SPON1: variants seen among roughly 807,000 people sequenced by gnomAD.
The protein encoded by SPON1 is spondin-1.
A neutral mutation model predicts 111.7 loss-of-function variants in SPON1; 52 were observed. The observed-to-expected ratio is 0.47, with a 90% CI of 0.37 to 0.59. The LOEUF is 0.59. SPON1 is among the 20% of genes least tolerant of loss of function. The pLI is 0.00. For missense variants in SPON1, 957 were observed against 1,068.5 expected (o/e 0.90, Z 1.46); for synonymous variants, 410 against 395.8 (o/e 1.04, Z -0.43).
intron 7 of SPON1, among the ~76,000 whole-genome samples, chr11:14,249,847 T>G (rs2133921699): frequency 6.6e-6 from 1 of 152,350 alleles, no homozygotes; most frequent in East Asian, 1.9e-4. Context: ...GGTAGGATGA[T>G]GATGCTCCCA....
Position 14,266,661 on chromosome 11 carries a change from C to G in SPON1, c.*974C>G, listed in dbSNP as rs1351450306. Reference sequence around the variant, plus strand: ...TTTGCTAAGTCTGCCCAAAGCCCCCCCAATGCATTCCTTCAACAAAATACA... The same window carrying G: ...TTTGCTAAGTCTGCCCAAAGCCCCCGCAATGCATTCCTTCAACAAAATACA... On this transcript the variant is annotated 3_prime_UTR_variant, in exon 16 of 16. Coordinates refer to ENST00000576479, the MANE Select transcript of SPON1 (RefSeq NM_006108.4). The G allele has an allele frequency of 2.6e-5, 4 of 152,172 alleles. No individual in the cohort carries two copies. Among genetic ancestry groups the G allele is most frequent in the East Asian group, 1.9e-4 (1 of 5,204 alleles). 9.4% of individuals were successfully genotyped at this position (152,172 alleles called of 1,614,324 possible). A position where few individuals can be genotyped will look rare whatever the true frequency, so the allele number is the denominator to read the frequency against.
chr11:14,081,414 T>G (rs1201030754), intron 5 of SPON1, among the ~76,000 whole-genome samples: 1 of 152,178 alleles, frequency 6.6e-6, no homozygotes, highest in Non-Finnish European at 1.5e-5. Context: ...CTACATATGT[T>G]ATAGTGTTTA....
At chr11:14,190,703 T>C (rs548266313) in intron 6 of SPON1, among the ~76,000 whole-genome samples, 48 of 150,606 alleles carry the variant, frequency 3.2e-4, no homozygotes, top group Middle Eastern at 3.4e-3. Flanking sequence ...TGCAGTGGCA[T>C]GATCTCGGCT....
chr11:14,259,491 G>A lies in SPON1; in HGVS notation c.1663+41G>A, dbSNP rs1554941674. ...GGGCGGGCAGGCGGGCAAGTAGGTCGGGGAGGCAGCAGGTGCGACTCCAAT... is the reference window on the plus strand; with the variant it reads ...GGGCGGGCAGGCGGGCAAGTAGGTCAGGGAGGCAGCAGGTGCGACTCCAAT... On this transcript the variant is annotated intron_variant, in intron 12 of 15. Transcript: ENST00000576479. The surrounding 1 kb of genome is among the most constrained non-coding windows in gnomAD (Gnocchi z 5.0). 2.5e-6 allele frequency: 4 copies of A among 1,579,532 alleles called. No individual in the cohort carries two copies. Among genetic ancestry groups the A allele is most frequent in the South Asian group, 2.3e-5 (2 of 86,378 alleles).
In SPON1 at chr11:14,135,354, T is replaced by C; in HGVS notation, c.677-66T>C. ...GATGTCCAATTACGCATCCTCCCCA[T>C]CATTTAAGGGACTCGTGTTTCAGCC... On this transcript the variant is annotated intron_variant, in intron 5 of 15. Transcript: ENST00000576479. This position sits in a 1 kb window ranked among gnomAD's most constrained non-coding sequence, Gnocchi z 4.4. 4 of 1,543,942 alleles carry C rather than the reference T, an allele frequency of 2.6e-6. No individual in the cohort carries two copies. The highest frequency in any genetic ancestry group is 3.5e-6 in the Non-Finnish European group (4 of 1,133,158).
At chr11:14,043,269 T>G (rs965404198) in intron 3 of SPON1, among the ~76,000 whole-genome samples, 16 of 152,234 alleles carry the variant, frequency 1.1e-4, no homozygotes, top group African/African-American at 3.9e-4. Context: ...AGAAGACTGA[T>G]TGGAGGTTCC....
At chr11:14,057,849 C>CAAAAAAAAAA (rs1848758481) in intron 3 of SPON1, among the ~76,000 whole-genome samples, 2 of 122,158 alleles carry the variant, frequency 1.6e-5, no homozygotes, top group Non-Finnish European at 3.6e-5. Context: ...AAAAACAAAA[C>CAAAAAAAAAA]AAAAACTTAA....
At chr11:13,974,069 C>T (rs1479496209) in intron 1 of SPON1, among the ~76,000 whole-genome samples, 1 of 152,182 alleles carries the variant, frequency 6.6e-6, no homozygotes, top group Non-Finnish European at 1.5e-5. Flanking sequence ...CCATCACCAG[C>T]AAATCTTTTC....
intron 6 of SPON1, among the ~76,000 whole-genome samples, chr11:14,144,683 G>C (rs1300562018): frequency 6.9e-6 from 1 of 144,356 alleles, no homozygotes; most frequent in African/African-American, 2.5e-5. Context: ...AAAATAAAAA[G>C]TAAAAACCCA....
At chr11:14,063,994 T>A (rs1848811702) in intron 3 of SPON1, among the ~76,000 whole-genome samples, 1 of 152,222 alleles carries the variant, frequency 6.6e-6, no homozygotes, top group Non-Finnish European at 1.5e-5. Flanking sequence ...ACAGAGGAGT[T>A]TGTGCTTCTT....
At chr11:13,984,920 G>C (rs1382727170) in intron 2 of SPON1, among the ~76,000 whole-genome samples, 1 of 152,144 alleles carries the variant, frequency 6.6e-6, no homozygotes, top group Admixed American at 6.5e-5. Context: ...TCCTATCTCT[G>C]TATGCATCCT....
At chr11:13,969,321 G>A (rs1848044685) in intron 1 of SPON1, among the ~76,000 whole-genome samples, 1 of 152,102 alleles carries the variant, frequency 6.6e-6, no homozygotes, top group African/African-American at 2.4e-5. Flanking sequence ...GAGAAGTTGA[G>A]GCTGCAGTGA....
rs187570358 is a variant in SPON1 at position 14,002,223 on chromosome 11, A to G, written c.345+19270A>G. ...CTGAGAAAATTAAATAATTTATAAC[A>G]ATGGTTTTCAACTGGTAATGAACAT... On this transcript the variant is annotated intron_variant, in intron 2 of 15. Coordinates refer to ENST00000576479, the MANE Select transcript of SPON1 (RefSeq NM_006108.4). 2.0e-5 allele frequency among the ~76,000 whole-genome samples: 3 copies of G among 152,312 alleles called. No homozygotes were observed. The East Asian group carries it at 5.8e-4, about 29-fold the overall frequency.
intron 6 of SPON1, among the ~76,000 whole-genome samples, chr11:14,171,857 C>T (rs1848105598): frequency 6.6e-6 from 1 of 152,076 alleles, no homozygotes; most frequent in Non-Finnish European, 1.5e-5. Context: ...GTCTGAGAGA[C>T]AGTTTGTTAT....
intron 5 of SPON1, among the ~76,000 whole-genome samples, chr11:14,115,452 T>G (rs1191677180): frequency 1.3e-5 from 2 of 152,212 alleles, no homozygotes; most frequent in African/African-American, 4.8e-5. Flanking sequence ...TTGACTTCTA[T>G]CATAGATTAA....
chr11:14,001,371 G>T (rs1848317664), intron 2 of SPON1, among the ~76,000 whole-genome samples: 1 of 152,142 alleles, frequency 6.6e-6, no homozygotes, highest in African/African-American at 2.4e-5. Context: ...CTTGAGGCAT[G>T]GGAAGGGAAA....
rs115343088 is a variant in SPON1 at position 14,012,497 on chromosome 11, G to T, written c.346-29024G>T. Among the ~76,000 whole-genome samples, 804 of 152,196 alleles carry T rather than the reference G, an allele frequency of 5.3e-3. 9 individuals carry two copies. Among genetic ancestry groups the T allele is most frequent in the African/African-American group, 0.018 (740 of 41,520 alleles). On this transcript the variant is annotated intron_variant, in intron 2 of 15. Coordinates refer to ENST00000576479, the MANE Select transcript of SPON1 (RefSeq NM_006108.4). ...TATTCTCAGTGGCGACGTGCAAACCGCATTTATCCTATGTGGTAGGGAATG... is the reference window on the plus strand; with the variant it reads ...TATTCTCAGTGGCGACGTGCAAACCTCATTTATCCTATGTGGTAGGGAATG...
At chr11:14,204,998 T>C (rs1848502949) in intron 6 of SPON1, among the ~76,000 whole-genome samples, 1 of 152,196 alleles carries the variant, frequency 6.6e-6, no homozygotes, top group Non-Finnish European at 1.5e-5. Flanking sequence ...ATCCTCCCTA[T>C]TCTTTATCCT....
rs782793645 is a variant in SPON1, at chr11:13,962,869, G to C, written c.-36G>C. The C allele has an allele frequency of 9.8e-6, 14 of 1,424,378 alleles. No homozygotes were observed. The South Asian group carries it at 2.0e-4, about 20-fold the overall frequency. 88.2% of individuals were successfully genotyped at this position (1,424,378 alleles called of 1,614,324 possible). On this transcript the variant is annotated 5_prime_UTR_variant, in exon 1 of 16. Coordinates refer to ENST00000576479, the MANE Select transcript of SPON1 (RefSeq NM_006108.4). ...TTCGGGCAGGAGTCGCGTGGCGAAG[G>C]CCTGCGGCCGCGGCACAAAGTTGGG...
Sources: gnomAD v4.1 joint callset for allele counts (sites outside exome capture counted in the v4.1 genomes callset) on GRCh38, gnomAD v4.1.1 for gene constraint, Gnocchi (gnomAD v3.1) non-coding constraint, MANE v1.5 for transcripts, NCBI Gene and HGNC (gene_info 2026-07-23, HGNC 2026-07-21) for gene names.